KAT6B: variants seen among roughly 807,000 people sequenced by gnomAD.
KAT6B encodes lysine acetyltransferase 6B.
KAT6B carries 10 observed loss-of-function variants against 187.5 expected under a neutral mutation model. That is an observed-to-expected ratio of 0.05 (90% CI 0.03 to 0.09). KAT6B has a LOEUF of 0.09. Ranked by LOEUF, KAT6B falls within the 10% of genes least tolerant of loss-of-function variation. KAT6B has a pLI of 1.00. For missense variants in KAT6B, 1,952 were observed against 2,558.9 expected (o/e 0.76, Z 5.12); for synonymous variants, 861 against 926.8 (o/e 0.93, Z 1.29).
rs1842974675 is a variant in KAT6B at position 74,989,060 on chromosome 10, G to T, written c.2577G>T (p.Met859Ile). 2 of 1,613,928 alleles carry T rather than the reference G, an allele frequency of 1.2e-6. No homozygotes were observed. The highest frequency in any genetic ancestry group is 1.7e-5 in the Admixed American group (1 of 60,004). The change falls in exon 13 of 18, where the codon ATG (methionine) becomes ATT (isoleucine). Residue 859 changes from methionine to isoleucine, a missense_variant. Coordinates refer to ENST00000287239, the MANE Select transcript of KAT6B (RefSeq NM_012330.4). Reference protein sequence around the residue: ...CQQKYNVSCIMIMPQHQRQGF... With the variant: ...CQQKYNVSCIIIMPQHQRQGF... ...AGAAGTATAATGTCTCCTGCATAAT[G>T]ATCATGCCCCAGCACCAAAGGCAAG...
chr10:74,840,665 A>G (rs1316146476), intron 2 of KAT6B, among the ~76,000 whole-genome samples: 2 of 152,186 alleles, frequency 1.3e-5, no homozygotes, highest in African/African-American at 2.4e-5. Context: ...TTATTGGATA[A>G]CTAGAGGTTG....
chr10:75,009,102 G>A (rs897015337), intron 13 of KAT6B, among the ~76,000 whole-genome samples: 6 of 152,198 alleles, frequency 3.9e-5, no homozygotes, highest in African/African-American at 1.4e-4. Context: ...ACCCCCATGA[G>A]TATGTGTGTT....
At chr10:74,888,737 A>G (rs1336619162) in intron 3 of KAT6B, among the ~76,000 whole-genome samples, 1 of 152,204 alleles carries the variant, frequency 6.6e-6, no homozygotes, top group East Asian at 1.9e-4. Flanking sequence ...ACCTGAACAC[A>G]TGCTCATTCC....
At chr10:74,958,345 A>G (rs1373721545) in intron 3 of KAT6B, among the ~76,000 whole-genome samples, 2 of 152,220 alleles carry the variant, frequency 1.3e-5, no homozygotes, top group Non-Finnish European at 2.9e-5. Flanking sequence ...ATGCTGATGT[A>G]TATTTAGAGA....
At chr10:74,869,011 G>T (rs1289041610) in intron 3 of KAT6B, among the ~76,000 whole-genome samples, 1 of 152,132 alleles carries the variant, frequency 6.6e-6, no homozygotes, top group Non-Finnish European at 1.5e-5. Context: ...TGAAGCTTAA[G>T]ATTAAACTGA....
At chr10:74,965,592 G>A (rs1021065434) in intron 4 of KAT6B, among the ~76,000 whole-genome samples, 8 of 152,192 alleles carry the variant, frequency 5.3e-5, no homozygotes, top group Non-Finnish European at 1.2e-4. Context: ...AATTACTACA[G>A]ACTTAGTGGC....
chr10:74,986,044 C>T (rs1417400349), intron 12 of KAT6B, among the ~76,000 whole-genome samples: 3 of 151,994 alleles, frequency 2.0e-5, no homozygotes, highest in Admixed American at 2.0e-4. Context: ...GACTCCATCT[C>T]AAAAACAAAA....
chr10:74,824,985 TG>T (rs1259365068), upstream of KAT6B, among the ~76,000 whole-genome samples: 1 of 151,216 alleles, frequency 6.6e-6, no homozygotes, highest in African/African-American at 2.4e-5. Context: ...GAGAGCATCC[TG>T]GGGGGCAGCT....
At chr10:74,860,167 A>G (rs966638914) in intron 3 of KAT6B, among the ~76,000 whole-genome samples, 3 of 152,082 alleles carry the variant, frequency 2.0e-5, no homozygotes, top group African/African-American at 4.8e-5. Flanking sequence ...TTATTTTGAC[A>G]TGTATCTTGT....
chr10:74,956,045 C>T (rs1589699804), intron 3 of KAT6B, among the ~76,000 whole-genome samples: 1 of 152,106 alleles, frequency 6.6e-6, no homozygotes, highest in Non-Finnish European at 1.5e-5. Context: ...CACCTCAACT[C>T]CCCAAGTAGC....
intron 3 of KAT6B, among the ~76,000 whole-genome samples, chr10:74,869,361 G>A (rs752385152): frequency 7.2e-5 from 11 of 151,846 alleles, no homozygotes; most frequent in Non-Finnish European, 1.5e-4. Flanking sequence ...GCAGCGGTGC[G>A]ATCTCCCCTC....
At chr10:74,941,675 G>C (rs1016136872) in intron 3 of KAT6B, among the ~76,000 whole-genome samples, 1 of 151,926 alleles carries the variant, frequency 6.6e-6, no homozygotes, top group Non-Finnish European at 1.5e-5. Flanking sequence ...AAAGAAATTC[G>C]GTTCATAATT....
chr10:74,844,287 C>T (rs1841952224), intron 3 of KAT6B, among the ~76,000 whole-genome samples: 1 of 152,142 alleles, frequency 6.6e-6, no homozygotes, highest in African/African-American at 2.4e-5. Context: ...CAACCTCTGC[C>T]TCCCGGGTTC....
intron 3 of KAT6B, among the ~76,000 whole-genome samples, chr10:74,940,633 A>C (rs1463809834): frequency 6.8e-6 from 1 of 146,470 alleles, no homozygotes; most frequent in Non-Finnish European, 1.5e-5. Context: ...CCCAGGCTGG[A>C]GTGCAGTTAT....
At chr10:74,847,764 G>C (rs1842208239) in intron 3 of KAT6B, among the ~76,000 whole-genome samples, 2 of 151,952 alleles carry the variant, frequency 1.3e-5, no homozygotes, top group Admixed American at 1.3e-4. Flanking sequence ...TGATTTAATA[G>C]TTTAAAACCA....
At position 75,028,683 on chromosome 10, in the gene KAT6B, G is replaced by A; in HGVS notation, c.3859G>A (p.Val1287Ile). 1 of 1,614,070 alleles carries A rather than the reference G, an allele frequency of 6.2e-7. No individual in the cohort carries two copies. The highest frequency in any genetic ancestry group is 8.5e-7 in the Non-Finnish European group (1 of 1,180,038). The change falls in exon 18 of 18, where the codon GTA becomes ATA. Residue 1287 changes from valine (V) to isoleucine (I), a missense_variant. This residue lies in a region of KAT6B where 758 missense variants were observed against 891.4 expected (regional missense o/e 0.85). Transcript: ENST00000287239. ...PETPMEPDEQ[V>I]TVEEQKETSE... Reference sequence around the variant, plus strand: ...AACACCCATGGAGCCTGACGAGCAGGTAACAGTGGAAGAACAGAAGGAGAC... The same window carrying A: ...AACACCCATGGAGCCTGACGAGCAGATAACAGTGGAAGAACAGAAGGAGAC...
At chr10:74,878,837 T>C (rs1844631080) in intron 3 of KAT6B, among the ~76,000 whole-genome samples, 1 of 152,158 alleles carries the variant, frequency 6.6e-6, no homozygotes, top group Non-Finnish European at 1.5e-5. Flanking sequence ...GCTCAGGGTC[T>C]TTCTGCTTCA....
chr10:74,972,012 A>G (rs1188813696), intron 6 of KAT6B, among the ~76,000 whole-genome samples: 4 of 152,094 alleles, frequency 2.6e-5, no homozygotes, highest in Non-Finnish European at 5.9e-5. Flanking sequence ...TGCTAGATGT[A>G]TAGTTTGAAT....
intron 3 of KAT6B, among the ~76,000 whole-genome samples, chr10:74,854,730 T>C (rs1215846013): frequency 1.3e-5 from 2 of 152,228 alleles, no homozygotes; most frequent in Admixed American, 1.3e-4. Context: ...TCACTTTTGA[T>C]CTGTGATAAA....
Sources: allele counts gnomAD v4.1 joint callset (sites outside exome capture counted in the v4.1 genomes callset), GRCh38; gene constraint gnomAD v4.1.1; regional missense constraint gnomAD v4.1.1; transcripts MANE v1.5; gene names NCBI Gene and HGNC (gene_info 2026-07-23, HGNC 2026-07-21).